PKHD1: variants seen among roughly 807,000 people sequenced by gnomAD.
The protein encoded by PKHD1 is PKHD1 ciliary IPT domain containing fibrocystin/polyductin.
Under a neutral mutation model 412.0 loss-of-function variants are expected in PKHD1, and 291 were observed. That is an observed-to-expected ratio of 0.71 (90% confidence interval 0.64 to 0.78). The LOEUF (loss-of-function observed/expected upper bound fraction) is 0.78, where lower values mean the gene tolerates loss of function less well. PKHD1 is among the 30% of genes least tolerant of loss of function. The pLI is 0.00. For missense variants in PKHD1, 4,825 were observed against 4,950.7 expected (o/e 0.97, Z 0.76); for synonymous variants, 1,777 against 1,821.5 (o/e 0.98, Z 0.62).
At chr6:51,700,027 G>A (rs1381864166) in intron 60 of PKHD1, among the ~76,000 whole-genome samples, 1 of 150,086 alleles carries the variant, frequency 6.7e-6, no homozygotes, top group Admixed American at 6.7e-5. Flanking sequence ...ATTAGCTAAA[G>A]ATATTTTAGG....
Position 52,055,648 on chromosome 6 carries a change from CGAGGCTGACG to C in PKHD1, c.1765_1774del (p.Arg589AspfsTer16). The C allele has an allele frequency of 1.9e-6, 3 of 1,613,818 alleles. No individual in the cohort carries two copies. Among genetic ancestry groups the C allele is most frequent in the Non-Finnish European group, 2.5e-6 (3 of 1,179,852 alleles). The stretch of plus-strand genomic sequence containing the variant: ...AGCCGGGGGAGTAAGGACAAGGTGT[CGAGGCTGACG>C]GAGGCTGAACCTGCCACAGAAGGGC... On this transcript the variant is annotated frameshift_variant, in exon 19 of 67. Transcript: ENST00000371117. LOFTEE classifies it high-confidence loss of function.
intron 60 of PKHD1, among the ~76,000 whole-genome samples, chr6:51,662,492 T>C (rs1302070027): frequency 6.6e-6 from 1 of 151,666 alleles, no homozygotes; most frequent in Admixed American, 6.6e-5. Flanking sequence ...TCATAAAAGC[T>C]GGAAAAAAAT....
chr6:51,670,078 C>T (rs1165987275), intron 60 of PKHD1, among the ~76,000 whole-genome samples: 3 of 142,480 alleles, frequency 2.1e-5, no homozygotes, highest in Admixed American at 7.0e-5. Flanking sequence ...TGGTGCAGAG[C>T]TGAGTTCAAT....
At chr6:51,622,389 T>C (rs1384986715) in intron 66 of PKHD1, 2 of 152,178 alleles carry the variant, frequency 1.3e-5, no homozygotes. Context: ...TATTGGATGA[T>C]CTGGATTCAG....
At chr6:52,057,724 T>C (rs560972914) in intron 16 of PKHD1, among the ~76,000 whole-genome samples, 2 of 152,326 alleles carry the variant, frequency 1.3e-5, no homozygotes, top group South Asian at 4.1e-4. Flanking sequence ...CAGCTTTTAA[T>C]CTCTTAAATC....
In PKHD1 at chr6:51,903,721, G is replaced by C. The variant is rs376444914; in HGVS notation, c.6872C>G (p.Ser2291Ter). ...EAIHGRKDDW[S>*]GHGNIIRNNV... is the part of the protein sequence containing the mutation. ...GTTTCTTATTATATTTCCATGTCCT[G>C]ACCAGTCTAATGTTTCAACAAATCC... The change falls in exon 43 of 67, where the codon TCA becomes TGA. Residue 2291 changes from serine to a stop codon, truncating the protein, a stop_gained. Transcript: ENST00000371117. LOFTEE classifies it high-confidence loss of function. 1 of 1,609,620 alleles carries C rather than the reference G, an allele frequency of 6.2e-7. No homozygotes were observed. Among genetic ancestry groups the C allele is most frequent in the Non-Finnish European group, 8.5e-7 (1 of 1,177,208 alleles).
intron 52 of PKHD1, among the ~76,000 whole-genome samples, chr6:51,821,776 T>A (rs1200718179): frequency 6.6e-6 from 1 of 152,186 alleles, no homozygotes; most frequent in Admixed American, 6.5e-5. Context: ...GCGCTCCACC[T>A]CCTGGGTTCA....
chr6:51,664,894 T>C (rs1405622212), intron 60 of PKHD1, among the ~76,000 whole-genome samples: 2 of 152,256 alleles, frequency 1.3e-5, no homozygotes, highest in Non-Finnish European at 1.5e-5. Context: ...TTTACCCCTA[T>C]GACCTTCAGA....
intron 35 of PKHD1, among the ~76,000 whole-genome samples, chr6:51,970,705 G>T (rs183579837): frequency 6.6e-6 from 1 of 152,144 alleles, no homozygotes; most frequent in Non-Finnish European, 1.5e-5. Flanking sequence ...ATCGAGTAGG[G>T]TGACTTTTCC....
At chr6:51,833,290 A>G (rs1377203875) in intron 51 of PKHD1, among the ~76,000 whole-genome samples, 1 of 152,178 alleles carries the variant, frequency 6.6e-6, no homozygotes, top group Non-Finnish European at 1.5e-5. Context: ...AAGAGGGCTG[A>G]CACAGTCTTT....
At chr6:51,915,730 T>C (rs1224799014) in intron 37 of PKHD1, among the ~76,000 whole-genome samples, 1 of 151,936 alleles carries the variant, frequency 6.6e-6, no homozygotes, top group Non-Finnish European at 1.5e-5. Context: ...CAGCAGTAGA[T>C]GCAGGGATGA....
At chr6:51,980,303 C>T (rs1254484105) in intron 35 of PKHD1, among the ~76,000 whole-genome samples, 1 of 152,112 alleles carries the variant, frequency 6.6e-6, no homozygotes, top group Non-Finnish European at 1.5e-5. Context: ...AAACTCCTGC[C>T]ACCATGTCTG....
Position 51,693,054 on chromosome 6 carries a change from C to T in PKHD1, c.10157-33085G>A, listed in dbSNP as rs189995554. On this transcript the variant is annotated intron_variant, in intron 60 of 66. Transcript: ENST00000371117. ...TGTTTTTTGCTGTTTTGGTGGCTTT[C>T]CTTGACCTGATCATTTATGAAGTGG... is the stretch of plus-strand genomic sequence containing the variant. 3.8e-3 allele frequency among the ~76,000 whole-genome samples: 573 copies of T among 152,210 alleles called. 1 individual carries two copies. Among genetic ancestry groups the T allele is most frequent in the African/African-American group, 0.013 (551 of 41,536 alleles).
chr6:51,720,783 G>GTT, intron 60 of PKHD1: 1 of 122,542 alleles, frequency 8.2e-6, no homozygotes. Flanking sequence ...GTGTGTGTGT[G>GTT]TGTATATATA....
chr6:52,060,186 T>G (rs1401807996), intron 14 of PKHD1, 144 bp from the exon 15 acceptor site: 1 of 674,152 alleles, frequency 1.5e-6, no homozygotes, highest in African/African-American at 1.8e-5. Flanking sequence ...GTCCAGAATA[T>G]TCTAGAAAGA....
intron 37 of PKHD1, among the ~76,000 whole-genome samples, chr6:51,916,071 C>T (rs1414614996): frequency 6.6e-6 from 1 of 152,118 alleles, no homozygotes; most frequent in Admixed American, 6.6e-5. Context: ...TACTAAAGTG[C>T]ATGTGTCTTT....
rs1231391714 is a variant in PKHD1, at chr6:51,975,963, T to TGAAAAAAAAAAAAAAAAAAA, written c.5752-15938_5752-15937insTTTTTTTTTTTTTTTTTTTC. ...AACATAGCGAGACCCTTTCTCTAAT[T>TGAAAAAAAAAAAAAAAAAAA]AAAAAAAAAAAAAAAAAAAAAAAAA... On this transcript the variant is annotated intron_variant, in intron 35 of 66. Coordinates refer to ENST00000371117, the MANE Select transcript of PKHD1 (RefSeq NM_138694.4). 5.7e-5 allele frequency: 4 copies of TGAAAAAAAAAAAAAAAAAAA among 69,766 alleles called. 1 individual carries two copies. Among genetic ancestry groups the TGAAAAAAAAAAAAAAAAAAA allele is most frequent in the Admixed American group, 3.6e-4 (2 of 5,506 alleles). 4.3% of individuals were successfully genotyped at this position (69,766 alleles called of 1,614,324 possible).
chr6:51,635,877 G>A (rs1375054427), intron 64 of PKHD1, among the ~76,000 whole-genome samples: 8 of 58,376 alleles, frequency 1.4e-4, no homozygotes, highest in Admixed American at 8.0e-4. Flanking sequence ...GCGGGGGGCC[G>A]GGGGCGGATT....
chr6:51,794,097 C>T (rs1359107605), intron 52 of PKHD1, among the ~76,000 whole-genome samples: 3 of 145,198 alleles, frequency 2.1e-5, no homozygotes, highest in South Asian at 2.2e-4. Flanking sequence ...CGTGCAGTGG[C>T]GTGATCTCGG....
Sources: allele counts gnomAD v4.1 joint callset (sites outside exome capture counted in the v4.1 genomes callset), GRCh38; gene constraint gnomAD v4.1.1; transcripts MANE v1.5; gene names NCBI Gene and HGNC (gene_info 2026-07-23, HGNC 2026-07-21).